PTPRD: variants seen among roughly 807,000 people sequenced by gnomAD.
PTPRD encodes the protein protein tyrosine phosphatase receptor type D.
Under a neutral mutation model 214.5 loss-of-function variants are expected in PTPRD, and 34 were observed. The observed-to-expected ratio is 0.16, with a 90% CI of 0.12 to 0.21. The LOEUF (loss-of-function observed/expected upper bound fraction) is 0.21. PTPRD is among the 10% of genes least tolerant of loss of function. The pLI, the probability that PTPRD is intolerant of heterozygous loss-of-function variation, is 1.00. For synonymous variants in PTPRD, 1,128 were observed against 845.7 expected, an observed-to-expected ratio of 1.33 and a Z score of -5.79; for missense variants, 2,545 against 2,398.7, an observed-to-expected ratio of 1.06 and a Z score of -1.27.
At chr9:10,008,618 G>A (rs1349229307) in intron 4 of PTPRD, among the ~76,000 whole-genome samples, 5 of 151,658 alleles carry the variant, frequency 3.3e-5, no homozygotes, top group Admixed American at 2.0e-4. Flanking sequence ...AATCCATTCA[G>A]CATAAATTCC....
At chr9:10,252,418 C>T (rs1275625734) in intron 3 of PTPRD, among the ~76,000 whole-genome samples, 1 of 152,076 alleles carries the variant, frequency 6.6e-6, no homozygotes, top group African/African-American at 2.4e-5. Flanking sequence ...GATAGGCTTC[C>T]AGCCAGCTGC....
intron 7 of PTPRD, among the ~76,000 whole-genome samples, chr9:9,678,704 A>G (rs561655284): frequency 2.0e-5 from 3 of 151,970 alleles, no homozygotes; most frequent in South Asian, 4.1e-4. Context: ...AAAAAAACAA[A>G]ACTCTAAAAA....
At chr9:9,187,773 T>C (rs2099932561) in intron 9 of PTPRD, among the ~76,000 whole-genome samples, 1 of 150,206 alleles carries the variant, frequency 6.7e-6, no homozygotes, top group African/African-American at 2.5e-5. Context: ...GACTAAAGAA[T>C]AAGAGGATTT....
chr9:9,899,502 T>C (rs978487114), intron 5 of PTPRD, among the ~76,000 whole-genome samples: 1 of 152,194 alleles, frequency 6.6e-6, no homozygotes. Context: ...CTGTGAGATA[T>C]CACCTCACAC....
intron 8 of PTPRD, among the ~76,000 whole-genome samples, chr9:9,431,659 G>C (rs1015237370): frequency 1.3e-5 from 2 of 152,046 alleles, no homozygotes; most frequent in Non-Finnish European, 2.9e-5. Flanking sequence ...CAACCCAAAT[G>C]TCCAACAATG....
intron 2 of PTPRD, among the ~76,000 whole-genome samples, chr9:10,554,982 G>A (rs570434214): frequency 8.5e-5 from 13 of 152,246 alleles, no homozygotes; most frequent in Non-Finnish European, 1.8e-4. Flanking sequence ...AGATCATGAT[G>A]TCTACCATTT....
chr9:9,256,414 CT>C (rs913223066), intron 9 of PTPRD, among the ~76,000 whole-genome samples: 5 of 151,596 alleles, frequency 3.3e-5, no homozygotes, highest in Middle Eastern at 3.4e-3. Context: ...TTTTTTCTCT[CT>C]TTTTTTTCCA....
intron 11 of PTPRD, among the ~76,000 whole-genome samples, chr9:8,873,737 G>A (rs1410258986): frequency 6.6e-6 from 1 of 152,036 alleles, no homozygotes; most frequent in African/African-American, 2.4e-5. Flanking sequence ...AAGCATTGGG[G>A]GACTAGGTCT....
intron 10 of PTPRD, among the ~76,000 whole-genome samples, chr9:9,098,112 C>G (rs1352025371): frequency 6.6e-6 from 1 of 151,872 alleles, no homozygotes; most frequent in Non-Finnish European, 1.5e-5. Context: ...AAAAAATTAG[C>G]AAATGTTCAT....
At chr9:9,907,245 G>C (rs1317826869) in intron 5 of PTPRD, among the ~76,000 whole-genome samples, 1 of 151,888 alleles carries the variant, frequency 6.6e-6, no homozygotes, top group Admixed American at 6.6e-5. Flanking sequence ...AGGAGTTTTG[G>C]AGTCTGTTAT....
chr9:8,546,056 C>G (rs527996414), intron 14 of PTPRD, among the ~76,000 whole-genome samples: 6 of 152,318 alleles, frequency 3.9e-5, no homozygotes, highest in African/African-American at 9.6e-5. Flanking sequence ...GTGGTAACAT[C>G]TGAGATGCTT....
intron 43 of PTPRD, among the ~76,000 whole-genome samples, chr9:8,333,351 C>G (rs1564015339): frequency 1.3e-5 from 2 of 152,134 alleles, no homozygotes; most frequent in East Asian, 3.9e-4. Context: ...GTCATGTGTG[C>G]AAATACCTTC....
At chr9:8,638,385 G>A (rs56236902) in intron 12 of PTPRD, among the ~76,000 whole-genome samples, 10,524 of 151,952 alleles carry the variant, frequency 0.069, 1,111 homozygotes, top group African/African-American at 0.23. Flanking sequence ...TGGAGTCAAG[G>A]AAGCCGGATT....
At chr9:10,329,149 C>T (rs371021481) in intron 3 of PTPRD, among the ~76,000 whole-genome samples, 6 of 151,696 alleles carry the variant, frequency 4.0e-5, no homozygotes, top group Non-Finnish European at 8.8e-5. Context: ...TTATCTTTCC[C>T]ATATATTCTT....
chr9:10,014,261 A>C (rs567212173), intron 4 of PTPRD, among the ~76,000 whole-genome samples: 1 of 152,002 alleles, frequency 6.6e-6, no homozygotes, highest in Non-Finnish European at 1.5e-5. Flanking sequence ...GGAAACTAAG[A>C]CTCAGTGAGG....
intron 4 of PTPRD, among the ~76,000 whole-genome samples, chr9:9,967,676 A>G (rs1034357957): frequency 1.3e-5 from 2 of 152,182 alleles, no homozygotes; most frequent in Non-Finnish European, 2.9e-5. Context: ...ACAGAAAATG[A>G]GAAGTTTAAG....
rs542485589 is a variant in PTPRD at position 8,642,240 on chromosome 9, T to C, written c.65-5396A>G. On this transcript the variant is annotated intron_variant, in intron 12 of 45. Coordinates refer to ENST00000381196, the MANE Select transcript of PTPRD (RefSeq NM_002839.4). ...TGAGGGTGCCATTTATCTAATTTAA[T>C]TCTAATTAATAAGCTGTTTCTTGTG... Among the ~76,000 whole-genome samples the C allele has an allele frequency of 5.3e-5, 8 of 152,316 alleles. No individual in the cohort carries two copies. The South Asian group carries it at 1.4e-3, about 28-fold the overall frequency.
intron 2 of PTPRD, among the ~76,000 whole-genome samples, chr9:10,381,953 C>G (rs959559451): frequency 3.3e-5 from 5 of 151,812 alleles, no homozygotes; most frequent in Non-Finnish European, 5.9e-5. Context: ...ATAAAATTAT[C>G]TCTTTTGTTT....
rs2093089955 is a variant in PTPRD, at chr9:8,407,354, A to G, written c.4087-2694T>C. 2.0e-5 allele frequency among the ~76,000 whole-genome samples: 3 copies of G among 152,142 alleles called. No individual in the cohort carries two copies. The South Asian group carries it at 6.2e-4, about 31-fold the overall frequency. On this transcript the variant is annotated intron_variant, in intron 35 of 45. Coordinates refer to ENST00000381196, the MANE Select transcript of PTPRD (RefSeq NM_002839.4). ...AGAAAACTGAAGTAAAGAAAGATTA[A>G]TTTAATTATTCTTACTGAGGGCCTA...
Sources: allele counts gnomAD v4.1 joint callset (sites outside exome capture counted in the v4.1 genomes callset), GRCh38; gene constraint gnomAD v4.1.1; transcripts MANE v1.5; gene names NCBI Gene and HGNC (gene_info 2026-07-23, HGNC 2026-07-21).